Variants in GPIHBP1 observed in about 807,000 individuals in gnomAD.
GPIHBP1 encodes glycosylphosphatidylinositol-anchored high density lipoprotein-binding protein 1.
GPIHBP1 carries 11 observed loss-of-function variants against 13.0 expected under a neutral mutation model. The observed-to-expected ratio is 0.84, with a 90% CI of 0.53 to 1.40. The LOEUF (loss-of-function observed/expected upper bound fraction) is 1.40, where lower values mean the gene tolerates loss of function less well. Among genes scored for constraint, GPIHBP1 ranks in the 40% most tolerant of loss-of-function variants. GPIHBP1 has a pLI of 0.00. For synonymous variants in GPIHBP1, 106 were observed against 102.2 expected (o/e 1.04, Z -0.22); for missense variants, 231 against 241.1 (o/e 0.96, Z 0.28).
At chr8:143,213,382 C>A in intron 1 of GPIHBP1, 63 bp downstream of exon 1, 1 of 1,319,628 alleles carries the variant, frequency 7.6e-7, no homozygotes, top group Non-Finnish European at 1.1e-6. Flanking sequence ...AGCACAGGGA[C>A]CTCCAGGGAC....
In GPIHBP1 at chr8:143,214,638, C is replaced by T. The variant is rs574220052; in HGVS notation, c.182-375C>T. Among the ~76,000 whole-genome samples, 138 of 152,214 alleles carry T rather than the reference C, an allele frequency of 9.1e-4. 1 individual carries two copies. Among genetic ancestry groups the T allele is most frequent in the Non-Finnish European group, 1.1e-3 (77 of 67,990 alleles). Reference sequence around the variant, plus strand: ...CCTGCCCTCAGCACGAGCCCTGCCCCACACACCCACGAGGTGTCCCCTGTG... The same window carrying T: ...CCTGCCCTCAGCACGAGCCCTGCCCTACACACCCACGAGGTGTCCCCTGTG... On this transcript the variant is annotated intron_variant, in intron 2 of 3. Transcript: ENST00000622500. This position sits in a 1 kb window ranked among gnomAD's most constrained non-coding sequence, Gnocchi z 4.1.
rs1470066558 is a variant in GPIHBP1, at chr8:143,214,340, C to T, written c.181+390C>T. Among the ~76,000 whole-genome samples, 1 of 152,002 alleles carries T rather than the reference C, an allele frequency of 6.6e-6. No homozygotes were observed. The highest frequency in any genetic ancestry group is 1.5e-5 in the Non-Finnish European group (1 of 67,980). On this transcript the variant is annotated intron_variant, in intron 2 of 3. Transcript: ENST00000622500. This position sits in a 1 kb window ranked among gnomAD's most constrained non-coding sequence, Gnocchi z 4.1. The stretch of plus-strand genomic sequence containing the variant: ...CAGGGGAGGGCTGGATTGGCTGCTG[C>T]GGGCTGGGGAGCCAGGGAACCGCTT...
At position 143,215,113 on chromosome 8, in the gene GPIHBP1, C is replaced by T. The variant is rs774982418; in HGVS notation, c.282C>T (p.Ala94=). 6.2e-7 allele frequency: 1 copy of T among 1,612,578 alleles called. No homozygotes were observed. The highest frequency in any genetic ancestry group is 2.2e-5 in the East Asian group (1 of 44,870). ...SHGQTCTTLI[A]HGNTESGLLT... is the part of the protein sequence containing the mutation. ...GCCAGACCTGCACAACCCTCATTGC[C>T]CACGGGAACACCGGTAAGTGGGCGT... is the stretch of plus-strand genomic sequence containing the variant. Residue 94 remains alanine (A), a synonymous_variant, in exon 3 of 4, where the codon GCC becomes GCT. Coordinates refer to ENST00000622500, the MANE Select transcript of GPIHBP1 (RefSeq NM_178172.6).
chr8:143,214,739 G>A lies in GPIHBP1; in HGVS notation c.182-274G>A, dbSNP rs960306969. Among the ~76,000 whole-genome samples the A allele has an allele frequency of 9.2e-5, 14 of 152,232 alleles. No homozygotes were observed. The highest frequency in any genetic ancestry group is 7.3e-5 in the Non-Finnish European group (5 of 68,036). ...CCCACCTCCAGGTTTCTGTGACCAC[G>A]GCAGGAGCCTGGGCAGCATTGTCGC... On this transcript the variant is annotated intron_variant, in intron 2 of 3. Coordinates refer to ENST00000622500, the MANE Select transcript of GPIHBP1 (RefSeq NM_178172.6). The surrounding 1 kb of genome is among the most constrained non-coding windows in gnomAD (Gnocchi z 4.1).
chr8:143,213,348 A>AG, intron 1 of GPIHBP1, 29 bp downstream of exon 1: 1 of 1,569,436 alleles, frequency 6.4e-7, no homozygotes, highest in Non-Finnish European at 8.6e-7. Flanking sequence ...CCCTGCGGTG[A>AG]GGGGGCAGCA....
rs549937116 is a variant in GPIHBP1, at chr8:143,213,884, G to A, written c.115G>A (p.Asp39Asn). ...EDEDHGPDDY[D>N]EEDEDEVEEE... is the part of the protein sequence containing the mutation. ...CGAGGACCACGGGCCAGATGACTAC[G>A]ACGAGGAAGATGAGGATGAGGTGGA... The change falls in exon 2 of 4, where the codon GAC becomes AAC. Residue 39 changes from aspartate (D) to asparagine (N), a missense_variant. Transcript: ENST00000622500. 1.7e-5 allele frequency: 27 copies of A among 1,552,558 alleles called. No homozygotes were observed. The highest frequency in any genetic ancestry group is 2.3e-5 in the Non-Finnish European group (26 of 1,147,662).
At position 143,214,957 on chromosome 8, in the gene GPIHBP1, A is replaced by T. The variant is rs1816278072; in HGVS notation, c.182-56A>T. The T allele has an allele frequency of 3.4e-6, 4 of 1,174,214 alleles. No homozygotes were observed. Among genetic ancestry groups the T allele is most frequent in the Non-Finnish European group, 5.0e-6 (4 of 806,800 alleles). 72.7% of individuals were successfully genotyped at this position (1,174,214 alleles called of 1,614,324 possible). A position where few individuals can be genotyped will look rare whatever the true frequency, so the allele number is the denominator to read the frequency against. On this transcript the variant is annotated intron_variant, in intron 2 of 3. Coordinates refer to ENST00000622500, the MANE Select transcript of GPIHBP1 (RefSeq NM_178172.6). The surrounding 1 kb of genome is among the most constrained non-coding windows in gnomAD (Gnocchi z 4.1). ...GCTGAGAACGGGGAGGTGGACAGGGACGTGGGAGGAGACCCTGGGGGGCCC... is the reference window on the plus strand; with the variant it reads ...GCTGAGAACGGGGAGGTGGACAGGGTCGTGGGAGGAGACCCTGGGGGGCCC...
In GPIHBP1 at chr8:143,213,895, T is replaced by A. The variant is rs1277695108; in HGVS notation, c.126T>A (p.Asp42Glu). 1 of 1,550,682 alleles carries A rather than the reference T, an allele frequency of 6.4e-7. No individual in the cohort carries two copies. Among genetic ancestry groups the A allele is most frequent in the African/African-American group, 1.4e-5 (1 of 72,734 alleles). The part of the protein sequence containing the change: ...DHGPDDYDEE[D>E]EDEVEEEETN... ...GGCCAGATGACTACGACGAGGAAGA[T>A]GAGGATGAGGTGGAAGAGGAGGAGA... is the stretch of plus-strand genomic sequence containing the variant. Residue 42 changes from aspartate to glutamate, a missense_variant, in exon 2 of 4, where the codon GAT becomes GAA. Physicochemically the swap from Asp to Glu is conservative, Grantham distance 45 (BLOSUM62 2). Coordinates refer to ENST00000622500, the MANE Select transcript of GPIHBP1 (RefSeq NM_178172.6).
Position 143,214,063 on chromosome 8 carries a change from C to T in GPIHBP1, c.181+113C>T. ...AGTCCTGCTGTGAGCTTGCCTCCAG[C>T]AGAGTGGGGGACACTCAGTACACCC... On this transcript the variant is annotated intron_variant, in intron 2 of 3. Transcript: ENST00000622500. The surrounding 1 kb of genome is among the most constrained non-coding windows in gnomAD (Gnocchi z 4.1). 2 of 1,381,932 alleles carry T rather than the reference C, an allele frequency of 1.4e-6. No homozygotes were observed. The highest frequency in any genetic ancestry group is 1.2e-5 in the South Asian group (1 of 80,028). 85.6% of individuals were successfully genotyped at this position (1,381,932 alleles called of 1,614,324 possible). A position where few individuals can be genotyped will look rare whatever the true frequency, so the allele number is the denominator to read the frequency against.
rs1232784505 is a variant in GPIHBP1, at chr8:143,214,796, G to A, written c.182-217G>A. On this transcript the variant is annotated intron_variant, in intron 2 of 3. Transcript: ENST00000622500. This position sits in a 1 kb window ranked among gnomAD's most constrained non-coding sequence, Gnocchi z 4.1. Reference sequence around the variant, plus strand: ...TGAGTGATGATGGGAAGTTCGCCCTGCCTGACCCGCAATCCCTTGCCCCCT... The same window carrying A: ...TGAGTGATGATGGGAAGTTCGCCCTACCTGACCCGCAATCCCTTGCCCCCT... Among the ~76,000 whole-genome samples, 1 of 152,230 alleles carries A rather than the reference G, an allele frequency of 6.6e-6. No individual in the cohort carries two copies. The highest frequency in any genetic ancestry group is 1.5e-5 in the Non-Finnish European group (1 of 68,034).
rs1274311872 is a variant in GPIHBP1, at chr8:143,215,079, G to GCTCA, written c.250_253dup (p.His85LeufsTer223). The stretch of plus-strand genomic sequence containing the variant: ...GAGCGCTGCAACCTGACGCAGAACT[G>GCTCA]CTCACATGGCCAGACCTGCACAACC... On this transcript the variant is annotated frameshift_variant, in exon 3 of 4. Transcript: ENST00000622500. LOFTEE classifies it low-confidence loss of function (END_TRUNC). The GCTCA allele has an allele frequency of 3.1e-6, 5 of 1,611,850 alleles. No homozygotes were observed. The highest frequency in any genetic ancestry group is 3.4e-6 in the Non-Finnish European group (4 of 1,179,586).
Position 143,216,407 on chromosome 8 carries a change from G to A in GPIHBP1, c.*889G>A. ...TTGATGAAAGGAGAGGAGTAGATGAGATGGAATTTTTCCAGCCTCATCCTG... is the reference window on the plus strand; with the variant it reads ...TTGATGAAAGGAGAGGAGTAGATGAAATGGAATTTTTCCAGCCTCATCCTG... On this transcript the variant is annotated 3_prime_UTR_variant, in exon 4 of 4. Transcript: ENST00000622500. 1 of 152,262 alleles carries A rather than the reference G, an allele frequency of 6.6e-6. No homozygotes were observed. Among genetic ancestry groups the A allele is most frequent in the East Asian group, 1.9e-4 (1 of 5,190 alleles). The allele number at this position is 152,262 out of a possible 1,614,324, so 9.4% of individuals were successfully genotyped here. A position where few individuals can be genotyped will look rare whatever the true frequency, so the allele number is the denominator to read the frequency against.
At position 143,214,523 on chromosome 8, in the gene GPIHBP1, A is replaced by G. The variant is rs537429816; in HGVS notation, c.182-490A>G. Among the ~76,000 whole-genome samples, 1 of 145,920 alleles carries G rather than the reference A, an allele frequency of 6.9e-6. No individual in the cohort carries two copies. The highest frequency in any genetic ancestry group is 2.1e-4 in the South Asian group (1 of 4,666). On this transcript the variant is annotated intron_variant, in intron 2 of 3. Coordinates refer to ENST00000622500, the MANE Select transcript of GPIHBP1 (RefSeq NM_178172.6). The surrounding 1 kb of genome is among the most constrained non-coding windows in gnomAD (Gnocchi z 4.1). ...CGGCCCCTCCCTAGCCAGGGACCACAGCGTGCCCCACCACACACAGCCCCT... is the reference window on the plus strand; with the variant it reads ...CGGCCCCTCCCTAGCCAGGGACCACGGCGTGCCCCACCACACACAGCCCCT...
rs910039149 is a variant in GPIHBP1 at position 143,216,295 on chromosome 8, C to T, written c.*777C>T. On this transcript the variant is annotated 3_prime_UTR_variant, in exon 4 of 4. Transcript: ENST00000622500. ...GGTGACCATCTAGGGTCAGTACCTGCTGGGCTTAGGACAGCGCCTGAGGCT... is the reference window on the plus strand; with the variant it reads ...GGTGACCATCTAGGGTCAGTACCTGTTGGGCTTAGGACAGCGCCTGAGGCT... The T allele has an allele frequency of 6.6e-6, 1 of 152,328 alleles. No individual in the cohort carries two copies. Among genetic ancestry groups the T allele is most frequent in the African/African-American group, 2.4e-5 (1 of 41,424 alleles). The allele number at this position is 152,328 out of a possible 1,614,324, so 9.4% of individuals were successfully genotyped here.
In GPIHBP1 at chr8:143,215,911, C is replaced by T. The variant is rs1006294353; in HGVS notation, c.*393C>T. 4 of 240,134 alleles carry T rather than the reference C, an allele frequency of 1.7e-5. No homozygotes were observed. Among genetic ancestry groups the T allele is most frequent in the Admixed American group, 5.1e-5 (1 of 19,726 alleles). 14.9% of individuals were successfully genotyped at this position (240,134 alleles called of 1,614,324 possible). Reference sequence around the variant, plus strand: ...GCCATGGGAATTCCTCCATCTGCAGCGGTCACACGGGCCCACCCTGCCCTT... The same window carrying T: ...GCCATGGGAATTCCTCCATCTGCAGTGGTCACACGGGCCCACCCTGCCCTT... On this transcript the variant is annotated 3_prime_UTR_variant, in exon 4 of 4. Transcript: ENST00000622500.
rs1816277941 is a variant in GPIHBP1, at chr8:143,214,946, G to A, written c.182-67G>A. The stretch of plus-strand genomic sequence containing the variant: ...TTGGGAGCACAGCTGAGAACGGGGA[G>A]GTGGACAGGGACGTGGGAGGAGACC... On this transcript the variant is annotated intron_variant, in intron 2 of 3. Transcript: ENST00000622500. This position sits in a 1 kb window ranked among gnomAD's most constrained non-coding sequence, Gnocchi z 4.1. 1.2e-5 allele frequency: 13 copies of A among 1,075,676 alleles called. No homozygotes were observed. Among genetic ancestry groups the A allele is most frequent in the Non-Finnish European group, 1.4e-5 (10 of 719,128 alleles). The allele number at this position is 1,075,676 out of a possible 1,614,324, so 66.6% of individuals were successfully genotyped here.
chr8:143,215,057 C>A lies in GPIHBP1; in HGVS notation c.226C>A (p.Arg76Ser). The change falls in exon 3 of 4, where the codon CGC becomes AGC. Residue 76 changes from arginine to serine, a missense_variant. Arg to Ser is a moderately radical substitution (Grantham distance 110). Coordinates refer to ENST00000622500, the MANE Select transcript of GPIHBP1 (RefSeq NM_178172.6). Reference sequence around the variant, plus strand: ...CTGCAAGTCCCTGCCCAGGGACGAGCGCTGCAACCTGACGCAGAACTGCTC... The same window carrying A: ...CTGCAAGTCCCTGCCCAGGGACGAGAGCTGCAACCTGACGCAGAACTGCTC... ...YTCKSLPRDERCNLTQNCSHG... is the reference protein window; with the variant it reads ...YTCKSLPRDESCNLTQNCSHG... 1 of 1,606,652 alleles carries A rather than the reference C, an allele frequency of 6.2e-7. No homozygotes were observed. The highest frequency in any genetic ancestry group is 1.7e-5 in the Admixed American group (1 of 59,148).
rs1816290350 is a variant in GPIHBP1 at position 143,215,416 on chromosome 8, C to T, written c.453C>T (p.Gly151=). 6.2e-6 allele frequency: 10 copies of T among 1,612,786 alleles called. No individual in the cohort carries two copies. Among genetic ancestry groups the T allele is most frequent in the Admixed American group, 1.7e-5 (1 of 60,026 alleles). Residue 151 remains glycine (G), a synonymous_variant, in exon 4 of 4, where the codon GGC becomes GGT. Transcript: ENST00000622500. The part of the protein sequence containing the change: ...WQSSRVQDPT[G]KGAGGPRGSS... Reference sequence around the variant, plus strand: ...GCTCCCGAGTCCAGGACCCAACAGGCAAGGGGGCAGGCGGCCCCCGGGGCA... The same window carrying T: ...GCTCCCGAGTCCAGGACCCAACAGGTAAGGGGGCAGGCGGCCCCCGGGGCA...
At position 143,215,314 on chromosome 8, in the gene GPIHBP1, C is replaced by T. The variant is rs1450999717; in HGVS notation, c.351C>T (p.Ile117=). 6.2e-6 allele frequency: 10 copies of T among 1,612,832 alleles called. No homozygotes were observed. The highest frequency in any genetic ancestry group is 8.5e-6 in the Non-Finnish European group (10 of 1,180,018). The stretch of plus-strand genomic sequence containing the variant: ...GGTGCACAGACAGCTGCCAGCCCAT[C>T]ACCAAGACGGTGGAGGGGACCCAGG... The part of the protein sequence containing the change: ...STWCTDSCQP[I]TKTVEGTQVT... Residue 117 remains isoleucine (I), a synonymous_variant, in exon 4 of 4, where the codon ATC becomes ATT. Transcript: ENST00000622500.
Sources: gnomAD v4.1 joint callset for allele counts (sites outside exome capture counted in the v4.1 genomes callset) on GRCh38, gnomAD v4.1.1 for gene constraint, Gnocchi (gnomAD v3.1) non-coding constraint, MANE v1.5 for transcripts, NCBI Gene and HGNC (gene_info 2026-07-23, HGNC 2026-07-21) for gene names.